TRAF3IP2: variants seen among roughly 807,000 people sequenced by gnomAD.
The protein encoded by TRAF3IP2 is TRAF3 interacting protein 2.
TRAF3IP2 carries 35 observed loss-of-function variants against 57.9 expected under a neutral mutation model. The observed-to-expected ratio is 0.60, with a 90% confidence interval of 0.46 to 0.80. The LOEUF (loss-of-function observed/expected upper bound fraction) is 0.80, where lower values mean the gene tolerates loss of function less well. Among genes scored for constraint, TRAF3IP2 ranks in the 30% least tolerant of loss-of-function variants. The pLI is 0.00. For missense variants in TRAF3IP2, 556 were observed against 706.4 expected (o/e 0.79, Z 2.41); for synonymous variants, 251 against 268.9 (o/e 0.93, Z 0.65).
rs549827277 is a variant in TRAF3IP2, at chr6:111,593,299, GTCGCA to G, written c.-8-1210_-8-1206del. ...TTAAAAATTCCTACTTTGGATCCAT[GTCGCA>G]TTTCAACCACATTCACTGAGGGCTC... On this transcript the variant is annotated intron_variant, in intron 1 of 8. Coordinates refer to ENST00000368761, the MANE Select transcript of TRAF3IP2 (RefSeq NM_147686.4). 3.0e-3 allele frequency among the ~76,000 whole-genome samples: 454 copies of G among 152,350 alleles called. 5 individuals are homozygous for G. Among genetic ancestry groups the G allele is most frequent in the African/African-American group, 0.011 (439 of 41,578 alleles).
intron 2 of TRAF3IP2, among the ~76,000 whole-genome samples, chr6:111,583,738 G>A (rs1377876789): frequency 6.6e-6 from 1 of 152,180 alleles, no homozygotes; most frequent in Non-Finnish European, 1.5e-5. Context: ...TAATGCACTT[G>A]AATCATCCCC....
intron 1 of TRAF3IP2, 136 bp from the exon 2 acceptor site, chr6:111,592,230 A>T: frequency 1.3e-6 from 1 of 749,832 alleles, no homozygotes; most frequent in Admixed American, 2.4e-5. Context: ...GCAAAGCCCT[A>T]ATCACATAAA....
chr6:111,563,980 T>C (rs1236523601), intron 7 of TRAF3IP2, among the ~76,000 whole-genome samples: 71 of 152,340 alleles, frequency 4.7e-4, no homozygotes, highest in Admixed American at 4.5e-3. Flanking sequence ...AGTCATCTGA[T>C]GAGAAGGAGA....
chr6:111,577,082 A>G (rs1014634338), intron 3 of TRAF3IP2: 9 of 149,306 alleles, frequency 6.0e-5, no homozygotes, highest in Admixed American at 3.3e-4. Context: ...ATTAATATAG[A>G]GAAAATAATT....
chr6:111,573,189 G>A (rs559058060), intron 4 of TRAF3IP2, among the ~76,000 whole-genome samples: 8 of 152,312 alleles, frequency 5.3e-5, no homozygotes, highest in Admixed American at 2.6e-4. Context: ...GTCTGTCCAA[G>A]GGAGTGCAGA....
At chr6:111,561,654 A>G (rs1160711497) in intron 8 of TRAF3IP2, among the ~76,000 whole-genome samples, 1 of 152,142 alleles carries the variant, frequency 6.6e-6, no homozygotes, top group Non-Finnish European at 1.5e-5. Context: ...GAGGGTGATG[A>G]GAGAAAACTA....
chr6:111,570,284 C>A (rs1795789291), intron 5 of TRAF3IP2, among the ~76,000 whole-genome samples: 2 of 152,160 alleles, frequency 1.3e-5, no homozygotes, highest in South Asian at 4.1e-4. Flanking sequence ...TTATAGGAAT[C>A]CTAGCAAACT....
rs992714200 is a variant in TRAF3IP2 at position 111,556,029 on chromosome 6, G to C, written c.*3376C>G. 2.0e-5 allele frequency among the ~76,000 whole-genome samples: 3 copies of C among 151,932 alleles called. No individual in the cohort carries two copies. Among genetic ancestry groups the C allele is most frequent in the Non-Finnish European group, 2.9e-5 (2 of 68,010 alleles). ...GAGGCAGGAGAATCGCTTGAACCCG[G>C]GAGGTGGAGGTTGCAGTGAGCTGTG... On this transcript the variant is annotated 3_prime_UTR_variant, in exon 9 of 9. Coordinates refer to ENST00000368761, the MANE Select transcript of TRAF3IP2 (RefSeq NM_147686.4).
chr6:111,567,068 C>T (rs2128371731), intron 6 of TRAF3IP2: 2 of 522,400 alleles, frequency 3.8e-6, no homozygotes, highest in Middle Eastern at 9.5e-4. Flanking sequence ...GCTGAGACTC[C>T]CGTCCCCCAC....
chr6:111,589,802 A>G (rs1472072087), intron 2 of TRAF3IP2, among the ~76,000 whole-genome samples: 2 of 152,198 alleles, frequency 1.3e-5, no homozygotes, highest in African/African-American at 2.4e-5. Flanking sequence ...TTGAGTTATG[A>G]ATTACTGTGT....
chr6:111,588,664 C>T (rs1460296718), intron 2 of TRAF3IP2, among the ~76,000 whole-genome samples: 1 of 152,174 alleles, frequency 6.6e-6, no homozygotes, highest in Admixed American at 6.5e-5. Context: ...CTTAAGTATT[C>T]ACAGTTCTTC....
At chr6:111,595,313 A>T (rs1030643646) in intron 1 of TRAF3IP2, among the ~76,000 whole-genome samples, 1 of 152,208 alleles carries the variant, frequency 6.6e-6, no homozygotes, top group African/African-American at 2.4e-5. Context: ...CATGGCAAGA[A>T]ACAACTTCTA....
intron 7 of TRAF3IP2, 139 bp downstream of exon 7, chr6:111,566,305 C>T: frequency 1.4e-6 from 1 of 707,126 alleles, no homozygotes; most frequent in Admixed American, 2.4e-5. Context: ...AACAGCTCCT[C>T]TCCTGACATG....
chr6:111,566,404 C>T, intron 7 of TRAF3IP2, 40 bp downstream of exon 7: 1 of 1,502,772 alleles, frequency 6.7e-7, no homozygotes, highest in East Asian at 2.3e-5. Flanking sequence ...GTATCCATCC[C>T]CAGGGGACAG....
intron 1 of TRAF3IP2, among the ~76,000 whole-genome samples, chr6:111,604,837 C>T (rs941834363): frequency 2.6e-5 from 4 of 152,232 alleles, no homozygotes; most frequent in South Asian, 2.1e-4. Context: ...TGTGAATAAT[C>T]GGTAAACAAA....
At chr6:111,589,807 C>T (rs542177135) in intron 2 of TRAF3IP2, among the ~76,000 whole-genome samples, 53 of 152,280 alleles carry the variant, frequency 3.5e-4, no homozygotes, top group African/African-American at 1.3e-3. Flanking sequence ...TTATGAATTA[C>T]TGTGTTGCTC....
chr6:111,564,164 G>GCA (rs10671013), intron 7 of TRAF3IP2, among the ~76,000 whole-genome samples: 15,126 of 150,250 alleles, frequency 0.1, 1,030 homozygotes, highest in African/African-American at 0.2. Flanking sequence ...AGTTGCATAC[G>GCA]CACACACACA....
At chr6:111,561,074 T>C (rs1202672664) in intron 8 of TRAF3IP2, among the ~76,000 whole-genome samples, 1 of 149,060 alleles carries the variant, frequency 6.7e-6, no homozygotes, top group Admixed American at 6.7e-5. Flanking sequence ...CCCAGCTACT[T>C]GGGAGGCTGA....
chr6:111,570,792 C>A (rs1261527612), intron 5 of TRAF3IP2, among the ~76,000 whole-genome samples: 1 of 152,160 alleles, frequency 6.6e-6, no homozygotes, highest in Non-Finnish European at 1.5e-5. Context: ...CCTCCAACTC[C>A]TGGGCTCAAG....
Sources: allele counts gnomAD v4.1 joint callset (sites outside exome capture counted in the v4.1 genomes callset), GRCh38; gene constraint gnomAD v4.1.1; transcripts MANE v1.5; gene names NCBI Gene and HGNC (gene_info 2026-07-23, HGNC 2026-07-21).